Variants in ERCC2 observed in about 807,000 individuals in gnomAD.
ERCC2 encodes the protein general transcription and DNA repair factor IIH helicase subunit XPD.
In ERCC2, 90 loss-of-function variants were observed where a neutral mutation model predicts 99.4. The observed-to-expected ratio is 0.91, with a 90% CI of 0.76 to 1.08. ERCC2 has a LOEUF of 1.08. ERCC2 is among the 50% of genes least tolerant of loss of function. ERCC2 has a pLI of 0.00. For synonymous variants in ERCC2, 497 were observed against 432.4 expected, an observed-to-expected ratio of 1.15 and a Z score of -1.85; for missense variants, 993 against 1,038.1, an observed-to-expected ratio of 0.96 and a Z score of 0.60.
In ERCC2 at chr19:45,351,509, C is replaced by T. The variant is rs771378900; in HGVS notation, c.*120G>A. 4.5e-5 allele frequency: 72 copies of T among 1,598,230 alleles called. No individual in the cohort carries two copies. Among genetic ancestry groups the T allele is most frequent in the South Asian group, 3.1e-4 (28 of 90,690 alleles). On this transcript the variant is annotated 3_prime_UTR_variant, in exon 23 of 23. Transcript: ENST00000391945. ...TTCTCCTGCGATTAAAGGCTGTGGA[C>T]GTGACAGTGAGAAATGTCACCTGAC...
In ERCC2 at chr19:45,363,770, C is replaced by T. The variant is rs759145034; in HGVS notation, c.1091G>A (p.Arg364His). The T allele has an allele frequency of 3.3e-6, 5 of 1,537,022 alleles. No individual in the cohort carries two copies. The highest frequency in any genetic ancestry group is 1.7e-6 in the Non-Finnish European group (2 of 1,147,938). The part of the protein sequence containing the change: ...PPAFLSGLAQ[R>H]VCIQRKPLRF... Reference sequence around the variant, plus strand: ...GAGGGGCTTGCGCTGGATGCACACGCGCTGGGCCAGGCCGCTCAGGAAGGC... The same window carrying T: ...GAGGGGCTTGCGCTGGATGCACACGTGCTGGGCCAGGCCGCTCAGGAAGGC... Residue 364 changes from arginine to histidine, a missense_variant, in exon 11 of 23, where the codon CGC (arginine) becomes CAC (histidine). Physicochemically the swap from Arg to His is conservative, Grantham distance 29. This residue lies in a region of ERCC2 where 909 missense variants were observed against 930.8 expected (regional missense o/e 0.98). Transcript: ENST00000391945.
intron 5 of ERCC2, among the ~76,000 whole-genome samples, chr19:45,368,223 C>A (rs1357507077): frequency 6.6e-6 from 1 of 152,132 alleles, no homozygotes; most frequent in Non-Finnish European, 1.5e-5. Flanking sequence ...ATGCTAAGGG[C>A]ATCGGCTGCA....
chr19:45,362,226 A>G (rs541883024), intron 11 of ERCC2, among the ~76,000 whole-genome samples: 1 of 152,218 alleles, frequency 6.6e-6, no homozygotes, highest in Admixed American at 6.5e-5. Context: ...ACCTGGCCCT[A>G]AGTGGGTTCT....
At position 45,352,085 on chromosome 19, in the gene ERCC2, ACTT is replaced by A. The variant is rs1971818222; in HGVS notation, c.2190+121_2190+123del. The A allele has an allele frequency of 3.4e-6, 4 of 1,171,158 alleles. No homozygotes were observed. The Admixed American group carries it at 7.9e-5, about 23-fold the overall frequency. 72.5% of individuals were successfully genotyped at this position (1,171,158 alleles called of 1,614,324 possible). A position where few individuals can be genotyped will look rare whatever the true frequency, so the allele number is the denominator to read the frequency against. ...AGCCTGGCACGTAGATGCACGATAA[ACTT>A]CTCTTTGCTGAGGGCAGGAGGACAG... On this transcript the variant is annotated intron_variant, in intron 22 of 22. Coordinates refer to ENST00000391945, the MANE Select transcript of ERCC2 (RefSeq NM_000400.4).
intron 12 of ERCC2, among the ~76,000 whole-genome samples, chr19:45,360,382 T>G (rs983832852): frequency 1.5e-4 from 3 of 20,400 alleles, no homozygotes; most frequent in Admixed American, 7.0e-4. Context: ...ACGCCCGGCC[T>G]TTTTTTTTTT....
chr19:45,363,682 C>A, intron 11 of ERCC2, 61 bp downstream of exon 11: 1 of 1,493,196 alleles, frequency 6.7e-7, no homozygotes. Flanking sequence ...GCGTGGAGGA[C>A]ACGGCTCTGC....
In ERCC2 at chr19:45,370,234, T is replaced by C; in HGVS notation, c.6-2A>G. 4 of 1,613,206 alleles carry C rather than the reference T, an allele frequency of 2.5e-6. No individual in the cohort carries two copies. Among genetic ancestry groups the C allele is most frequent in the Non-Finnish European group, 3.4e-6 (4 of 1,179,388 alleles). On this transcript the variant is annotated splice_acceptor_variant, in intron 1 of 22. Coordinates refer to ENST00000391945, the MANE Select transcript of ERCC2 (RefSeq NM_000400.4). LOFTEE classifies it high-confidence loss of function. Reference sequence around the variant, plus strand: ...ACCAGGAGCCCGTCCACGTTGAGCCTGGCGGCAGGGGCTGCTGGGTCAGTT... The same window carrying C: ...ACCAGGAGCCCGTCCACGTTGAGCCCGGCGGCAGGGGCTGCTGGGTCAGTT...
chr19:45,350,483 C>T lies in ERCC2; in HGVS notation c.*1146G>A. ...CCCTCCTGGTGGCTTCTCTATGTCCCCATCTCAGTGTCCCCCATCTTTCCC... is the reference window on the plus strand; with the variant it reads ...CCCTCCTGGTGGCTTCTCTATGTCCTCATCTCAGTGTCCCCCATCTTTCCC... On this transcript the variant is annotated 3_prime_UTR_variant, in exon 23 of 23. Coordinates refer to ENST00000391945, the MANE Select transcript of ERCC2 (RefSeq NM_000400.4). The T allele has an allele frequency of 6.2e-7, 1 of 1,613,704 alleles. No individual in the cohort carries two copies. Among genetic ancestry groups the T allele is most frequent in the Non-Finnish European group, 8.5e-7 (1 of 1,179,760 alleles).
In ERCC2 at chr19:45,364,001, C is replaced by A. The variant is rs1799793; in HGVS notation, c.934G>T (p.Asp312Tyr). The A allele has an allele frequency of 1.3e-6, 2 of 1,543,764 alleles. No homozygotes were observed. Among genetic ancestry groups the A allele is most frequent in the Admixed American group, 2.0e-5 (1 of 51,110 alleles). The stretch of plus-strand genomic sequence containing the variant: ...CGGGGCTCACCCTGCAGCACTTCGT[C>A]GGGCAGCACGGGGTTGGCCAGGTGG... ...DAHLANPVLP[D>Y]EVLQEAVPGS... is the part of the protein sequence containing the mutation. The change falls in exon 10 of 23, where the codon GAC (aspartate) becomes TAC (tyrosine). Residue 312 changes from aspartate (D) to tyrosine (Y), a missense_variant. Transcript: ENST00000391945.
rs1466731284 is a variant in ERCC2 at position 45,350,077 on chromosome 19, C to T, written c.*1552G>A. On this transcript the variant is annotated 3_prime_UTR_variant, in exon 23 of 23. Coordinates refer to ENST00000391945, the MANE Select transcript of ERCC2 (RefSeq NM_000400.4). Reference sequence around the variant, plus strand: ...AGTAAGGCCGAGCTCCAAACCCACTCTGCCCCAGGGCAAGGCTTTAGGCAG... The same window carrying T: ...AGTAAGGCCGAGCTCCAAACCCACTTTGCCCCAGGGCAAGGCTTTAGGCAG... 1 of 503,740 alleles carries T rather than the reference C, an allele frequency of 2.0e-6. No homozygotes were observed. Among genetic ancestry groups the T allele is most frequent in the African/African-American group, 1.9e-5 (1 of 52,072 alleles). 31.2% of individuals were successfully genotyped at this position (503,740 alleles called of 1,614,324 possible).
At chr19:45,353,631 G>A (rs1217647574) in intron 17 of ERCC2, among the ~76,000 whole-genome samples, 1 of 152,198 alleles carries the variant, frequency 6.6e-6, no homozygotes, top group African/African-American at 2.4e-5. Context: ...GGCAGGCAGA[G>A]CCAATCAGAG....
At chr19:45,353,752 A>C (rs1052851890) in intron 17 of ERCC2, among the ~76,000 whole-genome samples, 1 of 152,224 alleles carries the variant, frequency 6.6e-6, no homozygotes, top group Non-Finnish European at 1.5e-5. Context: ...CCACCTGTGC[A>C]GTTCAGTGGG....
chr19:45,361,075 G>A (rs555517795), intron 12 of ERCC2, among the ~76,000 whole-genome samples: 2 of 151,088 alleles, frequency 1.3e-5, no homozygotes, highest in Admixed American at 1.3e-4. Flanking sequence ...AGGCTGCAGT[G>A]AGCCAAGATC....
In ERCC2 at chr19:45,350,733, G is replaced by A. The variant is rs149624142; in HGVS notation, c.*896C>T. 5.8e-5 allele frequency: 94 copies of A among 1,611,964 alleles called. 1 individual carries two copies. The East Asian group carries it at 1.5e-3, about 26-fold the overall frequency. ...TCTCCCGGCTCCGAGGCGAGGCGGC[G>A]GCAGGAGCAGCCGGGTGAGTGTTGA... On this transcript the variant is annotated 3_prime_UTR_variant, in exon 23 of 23. Transcript: ENST00000391945.
At chr19:45,356,213 G>A (rs1233963459) in intron 15 of ERCC2, among the ~76,000 whole-genome samples, 3 of 152,142 alleles carry the variant, frequency 2.0e-5, no homozygotes, top group East Asian at 1.9e-4. Flanking sequence ...CCCACCAGCC[G>A]GCAACCTCAC....
Position 45,364,039 on chromosome 19 carries a change from C to A in ERCC2, c.896G>T (p.Arg299Leu). The change falls in exon 10 of 23, where the codon CGG becomes CTG. Residue 299 changes from arginine (R) to leucine (L), a missense_variant. This residue lies in a region of ERCC2 where 909 missense variants were observed against 930.8 expected (regional missense o/e 0.98). Transcript: ENST00000391945. ...VEGLREASAARETDAHLANPV... is the reference protein window; with the variant it reads ...VEGLREASAALETDAHLANPV... ...GTTGGCCAGGTGGGCGTCCGTCTCC[C>A]GGGCGGCGCTGGCCTCCCGCAGCCC... is the stretch of plus-strand genomic sequence containing the variant. The A allele has an allele frequency of 1.3e-6, 2 of 1,562,436 alleles. No homozygotes were observed. The highest frequency in any genetic ancestry group is 2.4e-5 in the East Asian group (1 of 41,928).
At chr19:45,367,811 C>T (rs1191616938) in intron 5 of ERCC2, among the ~76,000 whole-genome samples, 5 of 151,888 alleles carry the variant, frequency 3.3e-5, no homozygotes, top group African/African-American at 7.3e-5. Flanking sequence ...CCATGCCCAG[C>T]CAAGTACAAT....
rs752408945 is a variant in ERCC2, at chr19:45,357,558, G to A, written c.1308-15C>T. On this transcript the variant is annotated splice_polypyrimidine_tract_variant and intron_variant, in intron 13 of 22. Transcript: ENST00000391945. ...CGTCCATGCAGCTGGAGAGAGATGA[G>A]GGCAGTGAGGGCCCGGGGGGCTGGG... 10 of 1,614,124 alleles carry A rather than the reference G, an allele frequency of 6.2e-6. No individual in the cohort carries two copies. Among genetic ancestry groups the A allele is most frequent in the Admixed American group, 1.7e-5 (1 of 60,026 alleles).
chr19:45,353,347 C>T lies in ERCC2; in HGVS notation c.1666-13G>A, dbSNP rs1446568163. ...TCTCAAGGATCCCCTGGGGAAGGAC[C>T]CAGGGAGGTCAGGGTGGGTTCAGGG... On this transcript the variant is annotated splice_polypyrimidine_tract_variant and intron_variant, in intron 17 of 22. Coordinates refer to ENST00000391945, the MANE Select transcript of ERCC2 (RefSeq NM_000400.4). The T allele has an allele frequency of 3.1e-6, 5 of 1,607,490 alleles. No homozygotes were observed. Among genetic ancestry groups the T allele is most frequent in the Non-Finnish European group, 4.3e-6 (5 of 1,175,406 alleles).
Sources: gnomAD v4.1 joint callset for allele counts (sites outside exome capture counted in the v4.1 genomes callset) on GRCh38, gnomAD v4.1.1 for gene constraint, gnomAD v4.1.1 regional missense constraint, MANE v1.5 for transcripts, NCBI Gene and HGNC (gene_info 2026-07-23, HGNC 2026-07-21) for gene names.